Variants in ERC2 observed in about 807,000 individuals in gnomAD.
The protein encoded by ERC2 is ELKS/RAB6-interacting/CAST family member 2, also known as ERC protein 2.
A neutral mutation model predicts 114.8 loss-of-function variants in ERC2; 42 were observed. The observed-to-expected ratio is 0.37, with a 90% CI of 0.29 to 0.47. The LOEUF is 0.47. Ranked by LOEUF, ERC2 falls within the 20% of genes least tolerant of loss-of-function variation. The probability of loss-of-function intolerance (pLI) is 0.99; values close to 1 mark genes in which losing one functional copy is unlikely to be tolerated. For synonymous variants in ERC2, 454 were observed against 425.5 expected, an observed-to-expected ratio of 1.07 and a Z score of -0.82; for missense variants, 939 against 1,150.7, an observed-to-expected ratio of 0.82 and a Z score of 2.66.
intron 6 of ERC2, among the ~76,000 whole-genome samples, chr3:56,101,823 G>A (rs754078387): frequency 6.6e-6 from 1 of 152,190 alleles, no homozygotes; most frequent in Non-Finnish European, 1.5e-5. Flanking sequence ...GTCACTCAGA[G>A]CCTCAGAGGA....
chr3:55,904,103 T>A (rs536799569), intron 13 of ERC2, among the ~76,000 whole-genome samples: 8 of 152,284 alleles, frequency 5.3e-5, no homozygotes, highest in Non-Finnish European at 1.2e-4. Flanking sequence ...TTTTCAGAGG[T>A]GATGGAGAAA....
At position 56,161,537 on chromosome 3, in the gene ERC2, G is replaced by GT. The variant is rs1244863362; in HGVS notation, c.1149+11908dup. Among the ~76,000 whole-genome samples the GT allele has an allele frequency of 9.2e-5, 14 of 152,236 alleles. No individual in the cohort carries two copies. In the South Asian group the frequency reaches 2.7e-3, roughly 29 times the overall value. On this transcript the variant is annotated intron_variant, in intron 4 of 17. Coordinates refer to ENST00000288221, the MANE Select transcript of ERC2 (RefSeq NM_015576.3). The stretch of plus-strand genomic sequence containing the variant: ...TTTGTCCACTCTATGAGCATGGAAT[G>GT]TTTTTTCCATTTGTTTATGTCATCT...
intron 2 of ERC2, among the ~76,000 whole-genome samples, chr3:56,407,796 C>G (rs891207668): frequency 6.6e-6 from 1 of 152,272 alleles, no homozygotes; most frequent in Non-Finnish European, 1.5e-5. Context: ...CCCCCTGGAA[C>G]ACGACAGCAG....
chr3:55,651,848 C>T (rs1212087112), intron 17 of ERC2, among the ~76,000 whole-genome samples: 1 of 152,186 alleles, frequency 6.6e-6, no homozygotes, highest in South Asian at 2.1e-4. Flanking sequence ...ATTTTTATAT[C>T]TGTTAAAGGT....
intron 3 of ERC2, among the ~76,000 whole-genome samples, chr3:56,245,529 T>C (rs1447311583): frequency 6.6e-6 from 1 of 151,710 alleles, no homozygotes; most frequent in South Asian, 2.1e-4. Context: ...TGTGTGTGTG[T>C]GTGTGTTAAT....
chr3:56,044,282 T>C (rs1338782760), intron 7 of ERC2, among the ~76,000 whole-genome samples: 1 of 152,200 alleles, frequency 6.6e-6, no homozygotes, highest in African/African-American at 2.4e-5. Context: ...AACTGTGCTA[T>C]TTAAATTACT....
At chr3:56,114,099 T>C (rs142485459) in intron 6 of ERC2, among the ~76,000 whole-genome samples, 264 of 152,286 alleles carry the variant, frequency 1.7e-3, no homozygotes, top group African/African-American at 5.6e-3. Context: ...TGGCTAAGTA[T>C]ACATATTTAA....
chr3:55,531,217 C>A (rs908252067), intron 17 of ERC2, among the ~76,000 whole-genome samples: 3 of 152,118 alleles, frequency 2.0e-5, no homozygotes, highest in African/African-American at 7.2e-5. Context: ...GCTTGACTTG[C>A]TGGCTAGGAT....
At chr3:56,359,072 GT>G (rs1560665177) in intron 2 of ERC2, among the ~76,000 whole-genome samples, 1 of 152,228 alleles carries the variant, frequency 6.6e-6, no homozygotes, top group Non-Finnish European at 1.5e-5. Context: ...ATGTGTGTAC[GT>G]GTGCATGAAT....
intron 6 of ERC2, among the ~76,000 whole-genome samples, chr3:56,102,141 G>A (rs955769914): frequency 2.0e-5 from 3 of 152,160 alleles, no homozygotes; most frequent in Admixed American, 6.5e-5. Context: ...ACTAAACACT[G>A]GAATCGCAAA....
At chr3:56,026,278 G>A (rs1289466980) in intron 7 of ERC2, among the ~76,000 whole-genome samples, 2 of 152,162 alleles carry the variant, frequency 1.3e-5, no homozygotes, top group Non-Finnish European at 1.5e-5. Flanking sequence ...TCAAACTCCT[G>A]ACTCCAAGTG....
chr3:55,950,648 G>C, intron 12 of ERC2, 88 bp from the exon 13 acceptor site: 1 of 1,419,312 alleles, frequency 7.0e-7, no homozygotes, highest in Non-Finnish European at 9.8e-7. Flanking sequence ...CTAAGTATAG[G>C]CTATCTGGAT....
At chr3:55,846,266 C>T (rs1223090278) in intron 14 of ERC2, among the ~76,000 whole-genome samples, 2 of 152,172 alleles carry the variant, frequency 1.3e-5, no homozygotes, top group Non-Finnish European at 1.5e-5. Context: ...TCTCTTCCTG[C>T]CTTAGTTTGC....
chr3:55,959,130 C>G (rs1003206383), intron 12 of ERC2, among the ~76,000 whole-genome samples: 1 of 152,212 alleles, frequency 6.6e-6, no homozygotes, highest in Non-Finnish European at 1.5e-5. Context: ...TCTACTCCCC[C>G]ACTTCACTCA....
chr3:56,435,640 C>T (rs2061985401), intron 1 of ERC2, among the ~76,000 whole-genome samples: 2 of 152,210 alleles, frequency 1.3e-5, no homozygotes, highest in African/African-American at 4.8e-5. Context: ...CCCTCCTGTA[C>T]TCATTACAGA....
chr3:55,709,194 G>A (rs2063643661), intron 15 of ERC2, among the ~76,000 whole-genome samples: 1 of 152,114 alleles, frequency 6.6e-6, no homozygotes, highest in South Asian at 2.1e-4. Context: ...GAGCATGTGA[G>A]ATTCTAGGAG....
At chr3:55,653,900 G>A (rs552135259) in intron 17 of ERC2, among the ~76,000 whole-genome samples, 152 of 152,240 alleles carry the variant, frequency 1.0e-3, no homozygotes, top group African/African-American at 3.4e-3. Flanking sequence ...TGGAATGCCC[G>A]CTCCATCTCA....
At chr3:56,438,910 T>C (rs573252785) in intron 1 of ERC2, among the ~76,000 whole-genome samples, 3 of 152,222 alleles carry the variant, frequency 2.0e-5, no homozygotes, top group Admixed American at 2.0e-4. Context: ...CACACACATA[T>C]AACATACAAC....
At chr3:56,261,605 T>C (rs2052935000) in intron 3 of ERC2, among the ~76,000 whole-genome samples, 1 of 152,216 alleles carries the variant, frequency 6.6e-6, no homozygotes, top group Admixed American at 6.5e-5. Flanking sequence ...TCCCATCCCA[T>C]TTCAGCTCTC....
Sources: gnomAD v4.1 joint callset for allele counts (sites outside exome capture counted in the v4.1 genomes callset) on GRCh38, gnomAD v4.1.1 for gene constraint, MANE v1.5 for transcripts, NCBI Gene and HGNC (gene_info 2026-07-23, HGNC 2026-07-21) for gene names.